Variants in LRRC4C observed in about 807,000 individuals in gnomAD.
The protein encoded by LRRC4C is leucine rich repeat containing 4C.
Under a neutral mutation model 33.6 loss-of-function variants are expected in LRRC4C, and 5 were observed. That is an observed-to-expected ratio of 0.15 (90% CI 0.08 to 0.31). The LOEUF (loss-of-function observed/expected upper bound fraction) is 0.31, where lower values mean the gene tolerates loss of function less well. LRRC4C is among the 10% of genes least tolerant of loss of function. The pLI, the probability that LRRC4C is intolerant of heterozygous loss-of-function variation, is 1.00. For missense variants in LRRC4C, 560 were observed against 796.7 expected, an observed-to-expected ratio of 0.70 and a Z score of 3.58; for synonymous variants, 329 against 302.0, an observed-to-expected ratio of 1.09 and a Z score of -0.93.
At position 40,561,408 on chromosome 11, in the gene LRRC4C, C is replaced by CTTTT. The variant is rs549919738; in HGVS notation, c.-270+86730_-270+86733dup. On this transcript the variant is annotated intron_variant, in intron 3 of 6. Transcript: ENST00000528697. ...TCTTTATTCTTTGTTCTGAGGATTC[C>CTTTT]TTTTTTTTTTTTTTTTTTTTTTGAG... Among the ~76,000 whole-genome samples the CTTTT allele has an allele frequency of 2.3e-4, 23 of 100,932 alleles. 1 individual carries two copies. Among genetic ancestry groups the CTTTT allele is most frequent in the South Asian group, 1.1e-3 (3 of 2,676 alleles). 66.2% of individuals were successfully genotyped at this position (100,932 alleles called of 152,430 possible).
chr11:40,761,145 C>G (rs1176576470), intron 2 of LRRC4C, among the ~76,000 whole-genome samples: 1 of 151,918 alleles, frequency 6.6e-6, no homozygotes, highest in Admixed American at 6.6e-5. Context: ...TAGTGGAGAA[C>G]ATATAGTGTT....
At chr11:40,638,776 T>TG (rs1371019157) in intron 3 of LRRC4C, among the ~76,000 whole-genome samples, 1 of 151,574 alleles carries the variant, frequency 6.6e-6, no homozygotes, top group Non-Finnish European at 1.5e-5. Flanking sequence ...TCGAGTTTTT[T>TG]TTTTTTTTTT....
intron 5 of LRRC4C, among the ~76,000 whole-genome samples, chr11:40,196,493 T>G (rs762910697): frequency 2.6e-5 from 4 of 152,222 alleles, no homozygotes; most frequent in Non-Finnish European, 5.9e-5. Context: ...TACCGTAACC[T>G]GTAACTTACC....
chr11:40,233,397 C>T (rs778020679), intron 5 of LRRC4C, among the ~76,000 whole-genome samples: 3 of 152,108 alleles, frequency 2.0e-5, no homozygotes, highest in African/African-American at 4.8e-5. Flanking sequence ...GTTTTGGTCG[C>T]TAATCTACCA....
chr11:41,361,301 C>T (rs1236025068), intron 1 of LRRC4C, among the ~76,000 whole-genome samples: 1 of 152,192 alleles, frequency 6.6e-6, no homozygotes, highest in Non-Finnish European at 1.5e-5. Flanking sequence ...CAAATCCAGA[C>T]TATAACCCAT....
intron 1 of LRRC4C, among the ~76,000 whole-genome samples, chr11:41,398,499 C>G (rs1269858081): frequency 6.6e-6 from 1 of 151,854 alleles, no homozygotes; most frequent in Non-Finnish European, 1.5e-5. Context: ...TATTGCTGTC[C>G]TAGTAGACAT....
Position 40,656,852 on chromosome 11 carries a change from A to C in LRRC4C, c.-406-8574T>G, listed in dbSNP as rs373107529. Among the ~76,000 whole-genome samples the C allele has an allele frequency of 2.0e-5, 3 of 152,214 alleles. No homozygotes were observed. In the East Asian group the frequency reaches 5.8e-4, roughly 29 times the overall value. On this transcript the variant is annotated intron_variant, in intron 2 of 6. Coordinates refer to ENST00000528697, the MANE Select transcript of LRRC4C (RefSeq NM_001258419.2). ...TGTCAAACTTCTTCCAGTTAAACAG[A>C]ATCTCCTAAAGTGGTTGGTAAATTG...
chr11:41,083,652 C>A (rs1299610321), intron 1 of LRRC4C, among the ~76,000 whole-genome samples: 1 of 152,110 alleles, frequency 6.6e-6, no homozygotes, highest in African/African-American at 2.4e-5. Context: ...CAAGAAATGG[C>A]TATACTGTCA....
In LRRC4C at chr11:41,226,112, T is replaced by A. The variant is rs190938519; in HGVS notation, c.-496+233319A>T. Among the ~76,000 whole-genome samples, 186 of 152,282 alleles carry A rather than the reference T, an allele frequency of 1.2e-3. 1 individual carries two copies. Among genetic ancestry groups the A allele is most frequent in the African/African-American group, 4.3e-3 (179 of 41,562 alleles). On this transcript the variant is annotated intron_variant, in intron 1 of 6. Coordinates refer to ENST00000528697, the MANE Select transcript of LRRC4C (RefSeq NM_001258419.2). ...ACGAGTCTATTTTTGGAAAGCTGAT[T>A]TTGCAGAGGACATGGAAATGTGGAG...
chr11:40,394,207 C>A (rs1360403231), intron 3 of LRRC4C, among the ~76,000 whole-genome samples: 1 of 152,028 alleles, frequency 6.6e-6, no homozygotes, highest in Admixed American at 6.6e-5. Flanking sequence ...GACATAAAGA[C>A]CTTGGAATAT....
chr11:41,212,909 G>T lies in LRRC4C; in HGVS notation c.-496+246522C>A, dbSNP rs564270534. Reference sequence around the variant, plus strand: ...TGTACCTAACACATTGAAACACATGGCTAAGGTAAATCGTAAAGGCTTTAA... The same window carrying T: ...TGTACCTAACACATTGAAACACATGTCTAAGGTAAATCGTAAAGGCTTTAA... On this transcript the variant is annotated intron_variant, in intron 1 of 6. Transcript: ENST00000528697. Among the ~76,000 whole-genome samples, 240 of 152,262 alleles carry T rather than the reference G, an allele frequency of 1.6e-3. 6 individuals carry two copies. Among genetic ancestry groups the T allele is most frequent in the Middle Eastern group, 0.014 (4 of 294 alleles).
intron 3 of LRRC4C, among the ~76,000 whole-genome samples, chr11:40,360,378 G>A (rs1044985030): frequency 2.0e-5 from 3 of 152,122 alleles, no homozygotes; most frequent in African/African-American, 7.2e-5. Context: ...CATGAGTACT[G>A]ATTACACAAG....
intron 2 of LRRC4C, among the ~76,000 whole-genome samples, chr11:40,656,132 T>G (rs1943097721): frequency 6.6e-6 from 1 of 151,992 alleles, no homozygotes; most frequent in Non-Finnish European, 1.5e-5. Flanking sequence ...GTAAACTACC[T>G]CTTAGCAGTT....
At chr11:40,895,770 TA>T (rs1314725721) in intron 2 of LRRC4C, among the ~76,000 whole-genome samples, 1 of 152,208 alleles carries the variant, frequency 6.6e-6, no homozygotes, top group Non-Finnish European at 1.5e-5. Context: ...CTTTATAACT[TA>T]AAAATGATTT....
chr11:40,957,593 C>T (rs577377398), intron 1 of LRRC4C, among the ~76,000 whole-genome samples: 9 of 151,834 alleles, frequency 5.9e-5, no homozygotes, highest in African/African-American at 2.2e-4. Flanking sequence ...AAGAGTCCTT[C>T]CACACTAAAC....
chr11:40,199,225 C>T (rs1362160442), intron 5 of LRRC4C, among the ~76,000 whole-genome samples: 1 of 152,108 alleles, frequency 6.6e-6, no homozygotes, highest in Non-Finnish European at 1.5e-5. Context: ...TGCCCACTAC[C>T]ACACCCGGCA....
At chr11:41,219,475 A>G (rs533794577) in intron 1 of LRRC4C, among the ~76,000 whole-genome samples, 16 of 152,372 alleles carry the variant, frequency 1.1e-4, no homozygotes, top group African/African-American at 3.8e-4. Context: ...CTAAAACTGA[A>G]GAAATCTTCA....
intron 2 of LRRC4C, among the ~76,000 whole-genome samples, chr11:40,775,146 C>T (rs189000887): frequency 4.5e-4 from 69 of 152,220 alleles, no homozygotes; most frequent in Middle Eastern, 6.8e-3. Flanking sequence ...TGCAGTGGCT[C>T]ACACCTGTAA....
At chr11:40,763,463 T>C (rs994937859) in intron 2 of LRRC4C, among the ~76,000 whole-genome samples, 4 of 152,114 alleles carry the variant, frequency 2.6e-5, no homozygotes, top group African/African-American at 7.2e-5. Context: ...ATTCAACAAA[T>C]ATCCACATAA....
Sources: gnomAD v4.1 joint callset for allele counts (sites outside exome capture counted in the v4.1 genomes callset) on GRCh38, gnomAD v4.1.1 for gene constraint, MANE v1.5 for transcripts, NCBI Gene and HGNC (gene_info 2026-07-23, HGNC 2026-07-21) for gene names.